ATF7IP2: variants seen among roughly 807,000 people sequenced by gnomAD.
ATF7IP2 encodes the protein activating transcription factor 7 interacting protein 2, also known as activating transcription factor 7-interacting protein 2.
ATF7IP2 carries 42 observed loss-of-function variants against 64.2 expected under a neutral mutation model. The observed-to-expected ratio is 0.65, with a 90% CI of 0.51 to 0.85. ATF7IP2 has a LOEUF of 0.85. Ranked by LOEUF, ATF7IP2 falls within the 40% of genes least tolerant of loss-of-function variation. The pLI is 0.00. For synonymous variants in ATF7IP2, 308 were observed against 272.8 expected, an observed-to-expected ratio of 1.13 and a Z score of -1.27; for missense variants, 933 against 784.2, an observed-to-expected ratio of 1.19 and a Z score of -2.27.
chr16:10,457,739 C>A, intron 9 of ATF7IP2: 1 of 368,854 alleles, frequency 2.7e-6, no homozygotes, highest in Non-Finnish European at 4.8e-6. Flanking sequence ...TAGGGTCTCA[C>A]TTTGTTGTCC....
intron 1 of ATF7IP2, among the ~76,000 whole-genome samples, chr16:10,399,170 T>C (rs2047478717): frequency 6.6e-6 from 1 of 152,170 alleles, no homozygotes; most frequent in Non-Finnish European, 1.5e-5. Flanking sequence ...TCAGTAACAA[T>C]ATGCTGTATA....
intron 1 of ATF7IP2, among the ~76,000 whole-genome samples, chr16:10,411,901 A>G (rs1336525512): frequency 1.3e-5 from 1 of 77,540 alleles, no homozygotes; most frequent in African/African-American, 5.3e-5. Flanking sequence ...AGTTGAGCTT[A>G]TTTGTTTTTT....
chr16:10,402,653 C>CAGGGTTTCACCATGTTGCCAGACT (rs1380484018), intron 1 of ATF7IP2, among the ~76,000 whole-genome samples: 1 of 152,028 alleles, frequency 6.6e-6, no homozygotes, highest in Non-Finnish European at 1.5e-5. Flanking sequence ...TTTGTAGAAA[C>CAGGGTTTCACCATGTTGCCAGACT]AGGGTTTCAC....
chr16:10,412,161 T>C (rs758478006), intron 1 of ATF7IP2, among the ~76,000 whole-genome samples: 1 of 151,642 alleles, frequency 6.6e-6, no homozygotes, highest in Non-Finnish European at 1.5e-5. Flanking sequence ...TTTTTTTTTT[T>C]GTTTCAATTT....
chr16:10,472,244 C>A, intron 10 of ATF7IP2, 61 bp downstream of exon 10: 1 of 797,360 alleles, frequency 1.3e-6, no homozygotes, highest in Non-Finnish European at 1.9e-6. Flanking sequence ...TCAATGTTTG[C>A]TTTAAAGTGA....
At chr16:10,460,640 G>C (rs568667792) in intron 9 of ATF7IP2, among the ~76,000 whole-genome samples, 31 of 152,174 alleles carry the variant, frequency 2.0e-4, no homozygotes, top group Non-Finnish European at 3.4e-4. Flanking sequence ...GTACCATCTT[G>C]TTTGCTGTTT....
Position 10,482,116 on chromosome 16 carries a change from T to C in ATF7IP2, c.1916T>C (p.Met639Thr), listed in dbSNP as rs1316669676. ...GAAATTAAAGCTTTACCACTCCCCATGGCCTGTACTTTATCTCAGTTTTTA... is the reference window on the plus strand; with the variant it reads ...GAAATTAAAGCTTTACCACTCCCCACGGCCTGTACTTTATCTCAGTTTTTA... ...IGEIKALPLPMACTLSQFLAS... is the reference protein window; with the variant it reads ...IGEIKALPLPTACTLSQFLAS... The change falls in exon 14 of 14, where the codon ATG becomes ACG. Residue 639 changes from methionine (M) to threonine (T), a missense_variant. Coordinates refer to ENST00000562102, the MANE Select transcript of ATF7IP2 (RefSeq NM_001393719.1). 2 of 1,614,182 alleles carry C rather than the reference T, an allele frequency of 1.2e-6. No homozygotes were observed. Among genetic ancestry groups the C allele is most frequent in the Admixed American group, 3.3e-5 (2 of 60,032 alleles).
At chr16:10,406,162 G>T (rs190364584) in intron 1 of ATF7IP2, among the ~76,000 whole-genome samples, 28 of 152,300 alleles carry the variant, frequency 1.8e-4, no homozygotes, top group East Asian at 1.2e-3. Context: ...CTGGAGTGCA[G>T]TGGTGCAATC....
At chr16:10,391,638 C>G (rs546590479) in intron 1 of ATF7IP2, among the ~76,000 whole-genome samples, 1 of 152,218 alleles carries the variant, frequency 6.6e-6, no homozygotes, top group Non-Finnish European at 1.5e-5. Flanking sequence ...TGGCTCATGC[C>G]TGTAATCCCA....
At chr16:10,444,627 A>G (rs769313595) in intron 8 of ATF7IP2, among the ~76,000 whole-genome samples, 85 of 152,310 alleles carry the variant, frequency 5.6e-4, no homozygotes, top group Admixed American at 1.3e-3. Flanking sequence ...AATTCTGAGC[A>G]GGGCAATGGG....
intron 9 of ATF7IP2, among the ~76,000 whole-genome samples, chr16:10,464,156 A>AT (rs749546017): frequency 6.6e-6 from 1 of 151,956 alleles, no homozygotes; most frequent in African/African-American, 2.4e-5. Flanking sequence ...ATATTTAGAT[A>AT]TTTTTTTCCC....
In ATF7IP2 at chr16:10,431,304, T is replaced by A. The variant is rs1251603507; in HGVS notation, c.684T>A (p.Pro228=). Reference sequence around the variant, plus strand: ...GTTCAGAAGACTCAGGTTTTGTGCCTGTTGAGAAAACACCTAATTTGGTGA... The same window carrying A: ...GTTCAGAAGACTCAGGTTTTGTGCCAGTTGAGAAAACACCTAATTTGGTGA... The part of the protein sequence containing the change: ...ILCSEDSGFV[P]VEKTPNLVNS... Residue 228 remains proline (P), a synonymous_variant, in exon 5 of 14, where the codon CCT becomes CCA. Coordinates refer to ENST00000562102, the MANE Select transcript of ATF7IP2 (RefSeq NM_001393719.1). The A allele has an allele frequency of 6.2e-7, 1 of 1,614,240 alleles. No homozygotes were observed. Among genetic ancestry groups the A allele is most frequent in the South Asian group, 1.1e-5 (1 of 91,086 alleles).
intron 6 of ATF7IP2, among the ~76,000 whole-genome samples, chr16:10,437,517 C>G (rs2048462549): frequency 6.6e-6 from 1 of 152,048 alleles, no homozygotes. Flanking sequence ...CCTTATGTTC[C>G]TATAAAAATC....
intron 9 of ATF7IP2, among the ~76,000 whole-genome samples, chr16:10,458,471 A>G (rs1046622383): frequency 5.3e-5 from 8 of 152,252 alleles, no homozygotes. Context: ...TGTCTTTTAT[A>G]TGAACAAATC....
rs750063195 is a variant in ATF7IP2, at chr16:10,431,408, A to G, written c.788A>G (p.Glu263Gly). The G allele has an allele frequency of 3.1e-6, 5 of 1,611,406 alleles. No individual in the cohort carries two copies. Among genetic ancestry groups the G allele is most frequent in the Admixed American group, 1.7e-5 (1 of 59,900 alleles). The change falls in exon 5 of 14, where the codon GAA becomes GGA. Residue 263 changes from glutamate (E) to glycine (G), a missense_variant. By Grantham distance (98) the Glu-to-Gly change is moderately conservative (BLOSUM62 -2). Transcript: ENST00000562102. ...ECSRTSISNCESADSTWQSSL... is the reference protein window; with the variant it reads ...ECSRTSISNCGSADSTWQSSL... ...AGTAGAACCAGTATTTCAAATTGTG[A>G]AAGTGCAGACTCAACATGGCAGTCA... is the stretch of plus-strand genomic sequence containing the variant.
At chr16:10,391,511 T>G (rs1308307387) in intron 1 of ATF7IP2, among the ~76,000 whole-genome samples, 1 of 152,234 alleles carries the variant, frequency 6.6e-6, no homozygotes, top group Non-Finnish European at 1.5e-5. Context: ...TTTGACAGCC[T>G]CTTTTTGTCT....
Position 10,430,828 on chromosome 16 carries a change from T to A in ATF7IP2, c.208T>A (p.Ser70Thr), listed in dbSNP as rs1490738112. 6.2e-7 allele frequency: 1 copy of A among 1,614,010 alleles called. No homozygotes were observed. Among genetic ancestry groups the A allele is most frequent in the East Asian group, 2.2e-5 (1 of 44,872 alleles). The change falls in exon 5 of 14, where the codon TCT becomes ACT. Residue 70 changes from serine (S) to threonine (T), a missense_variant. Physicochemically the swap from Ser to Thr is moderately conservative, Grantham distance 58. Transcript: ENST00000562102. Reference sequence around the variant, plus strand: ...GACTGAAATAACCAAATGTAGCCCTTCTGAAAATGGTGCATCCTCATTGGA... The same window carrying A: ...GACTGAAATAACCAAATGTAGCCCTACTGAAAATGGTGCATCCTCATTGGA... ...RTTEITKCSP[S>T]ENGASSLDSN...
chr16:10,403,427 C>G (rs1375141574), intron 1 of ATF7IP2, among the ~76,000 whole-genome samples: 3 of 152,058 alleles, frequency 2.0e-5, no homozygotes, highest in African/African-American at 7.2e-5. Flanking sequence ...CTGAACTCAT[C>G]CAGAAGCAAA....
intron 3 of ATF7IP2, among the ~76,000 whole-genome samples, chr16:10,426,279 G>A (rs952321972): frequency 2.0e-5 from 3 of 152,206 alleles, no homozygotes; most frequent in African/African-American, 7.2e-5. Context: ...TCTGGTGTTG[G>A]TAGGGATCCC....
Sources: gnomAD v4.1 joint callset for allele counts (sites outside exome capture counted in the v4.1 genomes callset) on GRCh38, gnomAD v4.1.1 for gene constraint, MANE v1.5 for transcripts, NCBI Gene and HGNC (gene_info 2026-07-23, HGNC 2026-07-21) for gene names.